The following LGR4 variants were observed in gnomAD, a reference collection of about 807,000 sequenced individuals.
LGR4 encodes leucine rich repeat containing G protein-coupled receptor 4, also known as leucine-rich repeat-containing G protein-coupled receptor 4.
In LGR4, 44 loss-of-function variants were observed where a neutral mutation model predicts 84.8. That is an observed-to-expected ratio of 0.52 (90% CI 0.41 to 0.67). LGR4 has a LOEUF of 0.67. Ranked by LOEUF, LGR4 falls within the 30% of genes least tolerant of loss-of-function variation. LGR4 has a pLI of 0.00. For missense variants in LGR4, 1,032 were observed against 1,131.4 expected (o/e 0.91, Z 1.26); for synonymous variants, 429 against 434.3 (o/e 0.99, Z 0.15).
At chr11:27,427,449 C>T (rs904548504) in intron 1 of LGR4, among the ~76,000 whole-genome samples, 2 of 152,064 alleles carry the variant, frequency 1.3e-5, no homozygotes, top group African/African-American at 2.4e-5. Context: ...GGTTATGGGG[C>T]AGCACATTGG....
intron 4 of LGR4, among the ~76,000 whole-genome samples, chr11:27,387,564 T>C (rs575069669): frequency 2.6e-5 from 4 of 152,096 alleles, no homozygotes; most frequent in Non-Finnish European, 5.9e-5. Context: ...GAAACCAACT[T>C]AGTATGATCC....
At chr11:27,425,803 C>T (rs75156688) in intron 1 of LGR4, among the ~76,000 whole-genome samples, 5,193 of 152,188 alleles carry the variant, frequency 0.034, 93 homozygotes, top group Middle Eastern at 0.079. Context: ...GAATAAAAGG[C>T]TAATTCCTCA....
intron 1 of LGR4, 118 bp from the exon 2 acceptor site, chr11:27,412,978 G>C (rs55649239): frequency 1.0e-5 from 7 of 685,200 alleles, no homozygotes; most frequent in Non-Finnish European, 1.8e-5. Context: ...AAGACACATA[G>C]AAACAGTCAC....
rs187259360 is a variant in LGR4, at chr11:27,382,018, A to G, written c.758+170T>C. On this transcript the variant is annotated intron_variant, in intron 7 of 17. Coordinates refer to ENST00000379214, the MANE Select transcript of LGR4 (RefSeq NM_018490.5). ...AACCCTATACATCAATCTATACTCA[A>G]AATTGTCTCTGTCATCGAACACAAT... Among the ~76,000 whole-genome samples the G allele has an allele frequency of 3.8e-3, 576 of 152,232 alleles. 5 individuals carry two copies. Among genetic ancestry groups the G allele is most frequent in the African/African-American group, 0.013 (550 of 41,530 alleles).
chr11:27,464,693 A>G (rs1043829401), intron 1 of LGR4, among the ~76,000 whole-genome samples: 1 of 152,180 alleles, frequency 6.6e-6, no homozygotes, highest in African/African-American at 2.4e-5. Context: ...TCTCCCTGCC[A>G]AATTTATGTC....
intron 1 of LGR4, among the ~76,000 whole-genome samples, chr11:27,422,672 A>G (rs1355390987): frequency 2.6e-5 from 4 of 152,214 alleles, no homozygotes; most frequent in Non-Finnish European, 5.9e-5. Context: ...CTCAAGTCAA[A>G]TATTTCTTAT....
At chr11:27,435,405 T>C (rs1400638669) in intron 1 of LGR4, among the ~76,000 whole-genome samples, 1 of 152,056 alleles carries the variant, frequency 6.6e-6, no homozygotes, top group Non-Finnish European at 1.5e-5. Context: ...ACAGAGTCTC[T>C]TAAATGATCA....
chr11:27,436,831 T>TA (rs1008791259), intron 1 of LGR4, among the ~76,000 whole-genome samples: 14 of 152,172 alleles, frequency 9.2e-5, no homozygotes, highest in African/African-American at 3.1e-4. Context: ...CTACATGTCT[T>TA]ACGCTTGCAA....
chr11:27,367,936 G>T lies in LGR4; in HGVS notation c.2787C>A (p.Ala929=). 1.2e-6 allele frequency: 2 copies of T among 1,613,338 alleles called. No individual in the cohort carries two copies. Among genetic ancestry groups the T allele is most frequent in the South Asian group, 1.1e-5 (1 of 90,936 alleles). ...SSDQVQACGR[A]CFYQSRGFPL... is the part of the protein sequence containing the mutation. ...GGAATCCTCTACTCTGGTAGAAGCA[G>T]GCTCGTCCACAGGCCTGCACCTGGT... The change falls in exon 18 of 18, where the codon GCC becomes GCA. Residue 929 remains alanine (A), a synonymous_variant. Coordinates refer to ENST00000379214, the MANE Select transcript of LGR4 (RefSeq NM_018490.5).
chr11:27,456,457 G>C (rs1335807055), intron 1 of LGR4, among the ~76,000 whole-genome samples: 7 of 152,192 alleles, frequency 4.6e-5, no homozygotes, highest in Non-Finnish European at 1.0e-4. Flanking sequence ...TTCAACAGGA[G>C]AGGCAGGAAA....
intron 2 of LGR4, among the ~76,000 whole-genome samples, chr11:27,401,966 A>G (rs1000811818): frequency 6.6e-6 from 1 of 152,222 alleles, no homozygotes; most frequent in Non-Finnish European, 1.5e-5. Flanking sequence ...TGGAAAAGGA[A>G]GATCAGAGAA....
rs1476130368 is a variant in LGR4, at chr11:27,372,276, C to T, written c.1495+7G>A. Reference sequence around the variant, plus strand: ...AGTGTTCTATTTTTTGAAACTCATGCACTTGCCTTTCTCCTGTGCCACACT... The same window carrying T: ...AGTGTTCTATTTTTTGAAACTCATGTACTTGCCTTTCTCCTGTGCCACACT... On this transcript the variant is annotated splice_region_variant and intron_variant, in intron 16 of 17. Coordinates refer to ENST00000379214, the MANE Select transcript of LGR4 (RefSeq NM_018490.5). 36 of 1,522,888 alleles carry T rather than the reference C, an allele frequency of 2.4e-5. No individual in the cohort carries two copies. Among genetic ancestry groups the T allele is most frequent in the Non-Finnish European group, 3.2e-5 (35 of 1,097,326 alleles). The allele number at this position is 1,522,888 out of a possible 1,614,324, so 94.3% of individuals were successfully genotyped here. A position where few individuals can be genotyped will look rare whatever the true frequency, so the allele number is the denominator to read the frequency against.
chr11:27,471,523 G>A (rs559761889), intron 1 of LGR4, among the ~76,000 whole-genome samples: 28 of 152,368 alleles, frequency 1.8e-4, no homozygotes, highest in African/African-American at 6.5e-4. Context: ...AGTCCCGAGT[G>A]GAACTGGGCC....
chr11:27,423,265 A>C (rs1422464782), intron 1 of LGR4, among the ~76,000 whole-genome samples: 1 of 152,166 alleles, frequency 6.6e-6, no homozygotes, highest in Non-Finnish European at 1.5e-5. Flanking sequence ...TGTTGAGGCA[A>C]GAGGAGAATT....
chr11:27,378,102 C>T (rs533262449), intron 11 of LGR4, among the ~76,000 whole-genome samples: 394 of 152,072 alleles, frequency 2.6e-3, no homozygotes, highest in Non-Finnish European at 4.8e-3. Flanking sequence ...GACAAAATTG[C>T]CCCATGACAC....
intron 1 of LGR4, among the ~76,000 whole-genome samples, chr11:27,467,179 A>G (rs1433619334): frequency 2.0e-5 from 3 of 152,162 alleles, no homozygotes; most frequent in Non-Finnish European, 4.4e-5. Context: ...GGTGAACTGG[A>G]CAACTGGAAG....
intron 1 of LGR4, among the ~76,000 whole-genome samples, chr11:27,445,176 C>T (rs1033492550): frequency 6.6e-6 from 1 of 152,104 alleles, no homozygotes; most frequent in African/African-American, 2.4e-5. Flanking sequence ...GTTCATCCCT[C>T]CTTTAGGGTA....
intron 1 of LGR4, among the ~76,000 whole-genome samples, chr11:27,420,840 C>T (rs887142934): frequency 6.6e-6 from 1 of 151,882 alleles, no homozygotes; most frequent in Admixed American, 6.6e-5. Context: ...TGAGATAAAA[C>T]CAGAGTGGTC....
At chr11:27,382,617 A>G (rs559317839) in intron 6 of LGR4, among the ~76,000 whole-genome samples, 7 of 152,216 alleles carry the variant, frequency 4.6e-5, no homozygotes, top group Non-Finnish European at 1.0e-4. Context: ...TGTAAATGAC[A>G]GCGTGAAACT....
Sources: gnomAD v4.1 joint callset for allele counts (sites outside exome capture counted in the v4.1 genomes callset) on GRCh38, gnomAD v4.1.1 for gene constraint, MANE v1.5 for transcripts, NCBI Gene and HGNC (gene_info 2026-07-23, HGNC 2026-07-21) for gene names.